PPEF1: variants seen among roughly 807,000 people sequenced by gnomAD.
PPEF1 encodes serine/threonine-protein phosphatase with EF-hands 1.
A neutral mutation model predicts 53.3 loss-of-function variants in PPEF1; 12 were observed. The ratio of observed to expected loss-of-function variants is 0.23; its 90% CI spans 0.14 to 0.36. The LOEUF (loss-of-function observed/expected upper bound fraction) is 0.36, where lower values mean the gene tolerates loss of function less well. Among genes scored for constraint, PPEF1 ranks in the 10% least tolerant of loss-of-function variants. PPEF1 has a pLI of 1.00. For synonymous variants in PPEF1, 165 were observed against 176.7 expected, an observed-to-expected ratio of 0.93 and a Z score of 0.52; for missense variants, 334 against 490.4, an observed-to-expected ratio of 0.68 and a Z score of 3.01.
At chrX:18,763,800 C>T in intron 6 of PPEF1, among the ~76,000 whole-genome samples, 1 of 111,564 alleles carries the variant, frequency 9.0e-6, no homozygotes. Flanking sequence ...GTGGGTAGAG[C>T]CAGCACCTAG....
intron 15 of PPEF1, 43 bp downstream of exon 15, chrX:18,825,878 TG>T: frequency 2.1e-6 from 2 of 942,617 alleles, no homozygotes; most frequent in East Asian, 6.4e-5. Context: ...AAAGTGTATG[TG>T]TGTGTGTATG....
chrX:18,698,811 G>T (rs1929882004), intron 5 of PPEF1, among the ~76,000 whole-genome samples: 1 of 111,714 alleles, frequency 9.0e-6, no homozygotes, highest in Non-Finnish European at 1.9e-5. Flanking sequence ...CACAACTGGG[G>T]ATGCCAAGAG....
chrX:18,760,188 T>C (rs1216902574), intron 5 of PPEF1, among the ~76,000 whole-genome samples: 1 of 111,129 alleles, frequency 9.0e-6, no homozygotes, highest in Non-Finnish European at 1.9e-5. Context: ...GGTCTTACCA[T>C]GTTGGCCAGG....
chrX:18,680,597 T>C (rs1470213730), upstream of PPEF1, among the ~76,000 whole-genome samples: 1 of 108,920 alleles, frequency 9.2e-6, no homozygotes, highest in Non-Finnish European at 1.9e-5. Context: ...CCCAGCTAAT[T>C]TATATATATA....
intron 1 of PPEF1, chrX:18,676,176 A>T (rs1928668947): frequency 9.0e-6 from 1 of 110,942 alleles, no homozygotes; most frequent in Non-Finnish European, 1.9e-5. Flanking sequence ...GTTCGTCTTG[A>T]TTTGGCCATT....
chrX:18,815,901 TTA>T (rs912403450), intron 12 of PPEF1, among the ~76,000 whole-genome samples: 2 of 107,175 alleles, frequency 1.9e-5, no homozygotes, highest in African/African-American at 6.9e-5. Context: ...TTTTATTTAT[TTA>T]TTTTTTTTTT....
intron 1 of PPEF1, among the ~76,000 whole-genome samples, chrX:18,716,179 A>G (rs1466020850): frequency 2.7e-5 from 3 of 112,262 alleles, no homozygotes; most frequent in Non-Finnish European, 5.6e-5. Flanking sequence ...AAAATACTGA[A>G]TAGCAAACTA....
intron 1 of PPEF1, among the ~76,000 whole-genome samples, chrX:18,721,525 A>G (rs1375758125): frequency 9.0e-6 from 1 of 111,108 alleles, no homozygotes; most frequent in Admixed American, 9.6e-5. Flanking sequence ...TGGATGAGTT[A>G]GAGTATTTGG....
chrX:18,824,875 G>T (rs1238941925), intron 14 of PPEF1, among the ~76,000 whole-genome samples: 3 of 110,875 alleles, frequency 2.7e-5, no homozygotes, highest in Non-Finnish European at 5.7e-5. Context: ...TGTTGACCAG[G>T]CTGGTCTTGA....
At chrX:18,706,365 G>A (rs2147279289), upstream of PPEF1, among the ~76,000 whole-genome samples, 1 of 110,470 alleles carries the variant, frequency 9.1e-6, no homozygotes, top group East Asian at 2.8e-4. Context: ...AAGTGATTAT[G>A]GGAGTCAGGG....
intron 6 of PPEF1, among the ~76,000 whole-genome samples, chrX:18,776,243 G>T (rs1202381427): frequency 1.8e-5 from 2 of 110,107 alleles, no homozygotes; most frequent in African/African-American, 3.3e-5. Context: ...TTGGTTGGTT[G>T]GTTTGTTTTA....
intron 13 of PPEF1, among the ~76,000 whole-genome samples, chrX:18,820,691 C>CT: frequency 9.0e-6 from 1 of 110,682 alleles, no homozygotes; most frequent in African/African-American, 3.3e-5. Flanking sequence ...GGCCAGCAAA[C>CT]TTTTTTCTTA....
At chrX:18,821,792 AGAGAGAGAG>A (rs1569273853) in intron 13 of PPEF1, among the ~76,000 whole-genome samples, 1,801 of 23,404 alleles carry the variant, frequency 0.077, 63 homozygotes, top group African/African-American at 0.23. Context: ...AGAGAGAGAG[AGAGAGAGAG>A]AGAAAACAAA....
chrX:18,740,446 G>T (rs1455499458), intron 3 of PPEF1, among the ~76,000 whole-genome samples: 1 of 102,577 alleles, frequency 9.7e-6, no homozygotes, highest in Non-Finnish European at 2.0e-5. Flanking sequence ...GTCTCGCTCT[G>T]TTTCCCAGGC....
chrX:18,803,901 A>G lies in PPEF1; in HGVS notation c.1075A>G (p.Ile359Val), dbSNP rs2046603157. 1 of 1,199,077 alleles carries G rather than the reference A, an allele frequency of 8.3e-7. No homozygotes were observed. Among genetic ancestry groups the G allele is most frequent in the Non-Finnish European group, 1.1e-6 (1 of 890,096 alleles). ...GGTTTGTTGTTCCAAGATTATTGAT[A>G]TTCTGTGGAGTGATCCCAGAGGCAA... is the stretch of plus-strand genomic sequence containing the variant. ...TEHEWEQIID[I>V]LWSDPRGKNG... Residue 359 changes from isoleucine to valine, a missense_variant, in exon 11 of 16, where the codon ATT becomes GTT. Physicochemically the swap from Ile to Val is conservative, Grantham distance 29 (BLOSUM62 3). Transcript: ENST00000470157.
chrX:18,757,636 G>A lies in PPEF1; in HGVS notation c.406G>A (p.Ala136Thr). The change falls in exon 5 of 16, where the codon GCC becomes ACC. Residue 136 changes from alanine (A) to threonine (T), a missense_variant. Physicochemically the swap from Ala to Thr is moderately conservative, Grantham distance 58. Coordinates refer to ENST00000470157, the MANE Select transcript of PPEF1 (RefSeq NM_001377996.1). ...TGCTTCCCGCTCACAGATACTTCATGCCCATTATGTCTTAGAGGTGCTATT... is the reference window on the plus strand; with the variant it reads ...TGCTTCCCGCTCACAGATACTTCATACCCATTATGTCTTAGAGGTGCTATT... ...EAFKEQQILH[A>T]HYVLEVLFET... 8.3e-7 allele frequency: 1 copy of A among 1,199,921 alleles called. No individual in the cohort carries two copies. Among genetic ancestry groups the A allele is most frequent in the Non-Finnish European group, 1.1e-6 (1 of 885,748 alleles).
In PPEF1 at chrX:18,790,922, C is replaced by T. The variant is rs999381101; in HGVS notation, c.1065+1649C>T. ...CTGACCTTAGGTGATCTGCCCGCCTCGGCCTCCCAAACTGCTGGGATTACA... is the reference window on the plus strand; with the variant it reads ...CTGACCTTAGGTGATCTGCCCGCCTTGGCCTCCCAAACTGCTGGGATTACA... On this transcript the variant is annotated intron_variant, in intron 10 of 15. Transcript: ENST00000470157. Among the ~76,000 whole-genome samples the T allele has an allele frequency of 3.6e-5, 4 of 110,686 alleles. No individual in the cohort carries two copies. In the Admixed American group the frequency reaches 3.9e-4, roughly 11 times the overall value.
chrX:18,807,496 C>G (rs181361276), intron 12 of PPEF1, among the ~76,000 whole-genome samples: 1 of 111,699 alleles, frequency 9.0e-6, no homozygotes, highest in African/African-American at 3.2e-5. Flanking sequence ...CCTCTTCTTG[C>G]TCTTACAAAA....
At chrX:18,802,164 C>T (rs1007034621) in intron 10 of PPEF1, among the ~76,000 whole-genome samples, 2 of 110,530 alleles carry the variant, frequency 1.8e-5, no homozygotes, top group Non-Finnish European at 3.8e-5. Flanking sequence ...CTCCTGGGCT[C>T]AGGGATCTTC....
Sources: gnomAD v4.1 joint callset for allele counts (sites outside exome capture counted in the v4.1 genomes callset) on GRCh38, gnomAD v4.1.1 for gene constraint, MANE v1.5 for transcripts, NCBI Gene and HGNC (gene_info 2026-07-23, HGNC 2026-07-21) for gene names.